PTPRS: variants seen among roughly 807,000 people sequenced by gnomAD.
PTPRS encodes the protein protein tyrosine phosphatase receptor type S.
In PTPRS, 63 loss-of-function variants were observed where a neutral mutation model predicts 215.3. That is an observed-to-expected ratio of 0.29 (90% CI 0.24 to 0.36). PTPRS has a LOEUF of 0.36. PTPRS is among the 10% of genes least tolerant of loss of function. The pLI is 1.00. For synonymous variants in PTPRS, 1,404 were observed against 1,191.4 expected (o/e 1.18, Z -3.68); for missense variants, 2,258 against 2,825.8 (o/e 0.80, Z 4.56).
chr19:5,222,096 G>A (rs2042025756), intron 19 of PTPRS, 27 bp downstream of exon 19: 2 of 1,584,998 alleles, frequency 1.3e-6, no homozygotes, highest in Non-Finnish European at 1.7e-6. Flanking sequence ...CTGCCTGCCT[G>A]CCTGCCTGCT....
chr19:5,304,698 C>T (rs1031116827), intron 1 of PTPRS, among the ~76,000 whole-genome samples: 3 of 151,860 alleles, frequency 2.0e-5, no homozygotes, highest in Admixed American at 6.6e-5. Context: ...TGGGGGATGT[C>T]GCAAGGCTTC....
chr19:5,297,237 C>T (rs1451721488), intron 1 of PTPRS, among the ~76,000 whole-genome samples: 3 of 152,132 alleles, frequency 2.0e-5, no homozygotes, highest in Admixed American at 6.5e-5. Flanking sequence ...ACAGCTGGGA[C>T]GTTGGGGGGT....
chr19:5,265,757 G>T (rs73919794), intron 4 of PTPRS, among the ~76,000 whole-genome samples: 3,580 of 151,242 alleles, frequency 0.024, 101 homozygotes, highest in African/African-American at 0.064. Context: ...GATGTCTGGG[G>T]ATATCTGAGG....
Position 5,221,269 on chromosome 19 carries a change from A to G in PTPRS, c.3202-16T>C, listed in dbSNP as rs1444372168. 1 of 1,604,454 alleles carries G rather than the reference A, an allele frequency of 6.2e-7. No individual in the cohort carries two copies. Among genetic ancestry groups the G allele is most frequent in the Non-Finnish European group, 8.5e-7 (1 of 1,174,298 alleles). On this transcript the variant is annotated splice_polypyrimidine_tract_variant and intron_variant, in intron 19 of 37. Transcript: ENST00000262963. ...TGTACTGGATCTGCGGACCAGGGCT[A>G]GCTCAGCAGGGCCTGGTGGGCTCAT...
At chr19:5,261,541 G>GCA (rs2045991262) in intron 6 of PTPRS, among the ~76,000 whole-genome samples, 1 of 152,166 alleles carries the variant, frequency 6.6e-6, no homozygotes. Context: ...AGAAGTTTTG[G>GCA]GCCCCCTTCT....
intron 10 of PTPRS, 116 bp downstream of exon 10, chr19:5,245,660 A>G: frequency 7.1e-7 from 1 of 1,408,444 alleles, no homozygotes; most frequent in African/African-American, 1.5e-5. Flanking sequence ...GCCATGAATG[A>G]CTGAAGCCAA....
rs1285336809 is a variant in PTPRS at position 5,237,937 on chromosome 19, T to C, written c.1849+982A>G. The stretch of plus-strand genomic sequence containing the variant: ...CCCCGGCTGGAGTTGATGTTAACCC[T>C]TCGACTGATCCGAGATGCCCCTGTG... On this transcript the variant is annotated intron_variant, in intron 13 of 37. Transcript: ENST00000262963. The surrounding 1 kb of genome is among the most constrained non-coding windows in gnomAD (Gnocchi z 4.2). 1.4e-5 allele frequency among the ~76,000 whole-genome samples: 2 copies of C among 145,914 alleles called. No homozygotes were observed.
At chr19:5,215,240 T>C in intron 28 of PTPRS, 49 bp downstream of exon 28, 1 of 1,606,224 alleles carries the variant, frequency 6.2e-7, no homozygotes, top group Non-Finnish European at 8.5e-7. Context: ...ATCTAGCACT[T>C]TCCATGCAGT....
intron 10 of PTPRS, among the ~76,000 whole-genome samples, chr19:5,245,350 GCGA>G (rs1233844430): frequency 1.3e-5 from 2 of 150,476 alleles, no homozygotes; most frequent in African/African-American, 4.9e-5. Flanking sequence ...CTGCAGTAGT[GCGA>G]TCATAGCTCA....
chr19:5,239,624 G>C, intron 12 of PTPRS, among the ~76,000 whole-genome samples: 1 of 151,640 alleles, frequency 6.6e-6, no homozygotes, highest in Non-Finnish European at 1.5e-5. Context: ...GAGAGAGACA[G>C]ACAGAAACGG....
At chr19:5,272,381 T>TA (rs1351685172) in intron 4 of PTPRS, among the ~76,000 whole-genome samples, 1 of 151,826 alleles carries the variant, frequency 6.6e-6, no homozygotes, top group Non-Finnish European at 1.5e-5. Flanking sequence ...GCGGATCACT[T>TA]GAGGTCAGGA....
chr19:5,335,042 C>T (rs1346046107), intron 1 of PTPRS, among the ~76,000 whole-genome samples: 1 of 152,196 alleles, frequency 6.6e-6, no homozygotes, highest in African/African-American at 2.4e-5. Flanking sequence ...GACGCGCCAA[C>T]CTCGCTTCCC....
At chr19:5,262,410 A>G (rs1010532596) in intron 6 of PTPRS, among the ~76,000 whole-genome samples, 3 of 152,228 alleles carry the variant, frequency 2.0e-5, no homozygotes, top group Admixed American at 6.5e-5. Context: ...GCATAGGCTG[A>G]TATCAGTCAC....
chr19:5,259,555 T>C (rs1005828001), intron 7 of PTPRS, among the ~76,000 whole-genome samples: 1 of 152,174 alleles, frequency 6.6e-6, no homozygotes, highest in East Asian at 1.9e-4. Flanking sequence ...ACACGTATGT[T>C]TGTAATCACA....
rs1280404212 is a variant in PTPRS, at chr19:5,223,179, G to T, written c.2613C>A (p.Gly871=). The T allele has an allele frequency of 1.9e-6, 3 of 1,560,490 alleles. No individual in the cohort carries two copies. The highest frequency in any genetic ancestry group is 2.8e-5 in the African/African-American group (2 of 72,440). ...DQVLGYRLQF[G]REDSTPLATL... Reference sequence around the variant, plus strand: ...TGGCCAGGGGCGTCGAGTCCTCACGGCCAAACTGCAGGCGGTAGCCCAGCA... The same window carrying T: ...TGGCCAGGGGCGTCGAGTCCTCACGTCCAAACTGCAGGCGGTAGCCCAGCA... Residue 871 remains glycine (G), a synonymous_variant, in exon 18 of 38, where the codon GGC becomes GGA. Coordinates refer to ENST00000262963, the MANE Select transcript of PTPRS (RefSeq NM_002850.4).
chr19:5,208,674 C>A (rs1393121445), intron 35 of PTPRS, among the ~76,000 whole-genome samples: 2 of 152,082 alleles, frequency 1.3e-5, no homozygotes, highest in Non-Finnish European at 2.9e-5. Context: ...ACACTCTCTG[C>A]CATTCATTTA....
At chr19:5,251,109 C>CGG (rs111754525) in intron 9 of PTPRS, 2 of 127,024 alleles carry the variant, frequency 1.6e-5, no homozygotes, top group African/African-American at 6.0e-5. Context: ...TTACACCTGT[C>CGG]GGGGGGGAAG....
intron 2 of PTPRS, among the ~76,000 whole-genome samples, chr19:5,275,052 T>C (rs1203609840): frequency 7.0e-6 from 1 of 143,188 alleles, no homozygotes; most frequent in East Asian, 2.1e-4. Context: ...GGCAGTGCCA[T>C]CCTGATCGTC....
chr19:5,229,372 G>C (rs749365296), intron 15 of PTPRS, 30 bp from the exon 16 acceptor site: 1 of 1,373,780 alleles, frequency 7.3e-7, no homozygotes, highest in Non-Finnish European at 9.4e-7. Flanking sequence ...GCAGGGGAGA[G>C]AGGAGGAAGG....
Sources: gnomAD v4.1 joint callset for allele counts (sites outside exome capture counted in the v4.1 genomes callset) on GRCh38, gnomAD v4.1.1 for gene constraint, Gnocchi (gnomAD v3.1) non-coding constraint, MANE v1.5 for transcripts, NCBI Gene and HGNC (gene_info 2026-07-23, HGNC 2026-07-21) for gene names.